The following CDH13 variants were observed in gnomAD, a reference collection of about 807,000 sequenced individuals.
CDH13 encodes the protein cadherin-13.
Under a neutral mutation model 63.8 loss-of-function variants are expected in CDH13, and 24 were observed. That is an observed-to-expected ratio of 0.38 (90% CI 0.27 to 0.53). The LOEUF (loss-of-function observed/expected upper bound fraction) is 0.53. Ranked by LOEUF, CDH13 falls within the 20% of genes least tolerant of loss-of-function variation. The pLI, the probability that CDH13 is intolerant of heterozygous loss-of-function variation, is 0.85. For missense variants in CDH13, 1,049 were observed against 903.1 expected (o/e 1.16, Z -2.07); for synonymous variants, 503 against 355.3 (o/e 1.42, Z -4.67).
intron 1 of CDH13, among the ~76,000 whole-genome samples, chr16:82,678,556 A>T (rs1453288302): frequency 6.6e-6 from 1 of 152,178 alleles, no homozygotes; most frequent in African/African-American, 2.4e-5. Context: ...CCTTCTCCGG[A>T]TGAGGAAGCT....
chr16:83,748,879 G>A (rs1912835765), intron 11 of CDH13, among the ~76,000 whole-genome samples: 1 of 152,206 alleles, frequency 6.6e-6, no homozygotes, highest in Non-Finnish European at 1.5e-5. Context: ...ATTGTTCTCT[G>A]CTCCTTTGAG....
intron 1 of CDH13, among the ~76,000 whole-genome samples, chr16:82,759,547 T>A (rs116001227): frequency 0.01 from 1,532 of 150,338 alleles, 24 homozygotes; most frequent in African/African-American, 0.036. Context: ...TATGTATATG[T>A]ATAATATAAC....
chr16:83,700,036 T>A (rs1046414827), intron 10 of CDH13, among the ~76,000 whole-genome samples: 7 of 152,224 alleles, frequency 4.6e-5, no homozygotes, highest in African/African-American at 1.7e-4. Context: ...GTGTCTAGCA[T>A]CCTCAGAAAC....
At chr16:82,926,654 C>A (rs751104431) in intron 2 of CDH13, among the ~76,000 whole-genome samples, 6 of 152,152 alleles carry the variant, frequency 3.9e-5, no homozygotes, top group Non-Finnish European at 7.3e-5. Flanking sequence ...TTGAAGCTTT[C>A]GAGAAGACAG....
chr16:82,691,714 A>G (rs1258301615), intron 1 of CDH13, among the ~76,000 whole-genome samples: 2 of 152,194 alleles, frequency 1.3e-5, no homozygotes, highest in Non-Finnish European at 2.9e-5. Context: ...CTCGGGCTTC[A>G]GAAGAGGCTA....
At chr16:82,700,297 C>T (rs2030824991) in intron 1 of CDH13, among the ~76,000 whole-genome samples, 1 of 152,196 alleles carries the variant, frequency 6.6e-6, no homozygotes, top group African/African-American at 2.4e-5. Flanking sequence ...CTTTTGTTCA[C>T]AGGGCATCCC....
At chr16:82,822,032 A>G (rs952953597) in intron 1 of CDH13, among the ~76,000 whole-genome samples, 5 of 152,178 alleles carry the variant, frequency 3.3e-5, no homozygotes, top group African/African-American at 1.2e-4. Context: ...TTGGGTATTG[A>G]GTTCTTACTA....
intron 4 of CDH13, among the ~76,000 whole-genome samples, chr16:83,205,804 T>G (rs2039166126): frequency 6.6e-6 from 1 of 151,930 alleles, no homozygotes; most frequent in African/African-American, 2.4e-5. Context: ...GGGGTTTCAT[T>G]ATGTTGGCCA....
intron 1 of CDH13, among the ~76,000 whole-genome samples, chr16:82,813,994 T>C (rs1308512601): frequency 6.6e-6 from 1 of 152,146 alleles, no homozygotes; most frequent in Non-Finnish European, 1.5e-5. Flanking sequence ...CTTGAGTTCC[T>C]ATTCAAATAC....
chr16:83,293,694 T>C (rs1442771404), intron 5 of CDH13, among the ~76,000 whole-genome samples: 1 of 152,202 alleles, frequency 6.6e-6, no homozygotes, highest in Non-Finnish European at 1.5e-5. Context: ...TGTCTTTTCA[T>C]GTCAACTTAT....
intron 6 of CDH13, among the ~76,000 whole-genome samples, chr16:83,421,023 G>A (rs1262860606): frequency 6.6e-6 from 1 of 152,216 alleles, no homozygotes; most frequent in African/African-American, 2.4e-5. Context: ...CACCCACAAT[G>A]AGGGTGGGTC....
chr16:83,351,563 A>T (rs1403615583), intron 6 of CDH13, among the ~76,000 whole-genome samples: 1 of 152,186 alleles, frequency 6.6e-6, no homozygotes, highest in Non-Finnish European at 1.5e-5. Flanking sequence ...ATCAATAAAC[A>T]TCAAGCAACA....
At chr16:82,980,956 C>T (rs955749614) in intron 2 of CDH13, among the ~76,000 whole-genome samples, 3 of 152,116 alleles carry the variant, frequency 2.0e-5, no homozygotes, top group African/African-American at 7.2e-5. Flanking sequence ...AATTAGTGCT[C>T]CAGGACAAAA....
intron 1 of CDH13, among the ~76,000 whole-genome samples, chr16:82,815,531 A>G (rs1248645143): frequency 2.6e-5 from 4 of 152,210 alleles, no homozygotes; most frequent in Non-Finnish European, 4.4e-5. Context: ...TATTATTTCC[A>G]TGTTCAGAAA....
chr16:83,497,314 T>C (rs1434786852), intron 7 of CDH13, among the ~76,000 whole-genome samples: 8 of 151,944 alleles, frequency 5.3e-5, no homozygotes, highest in Non-Finnish European at 1.2e-4. Context: ...ATATACACCA[T>C]GGAATACTAT....
chr16:82,788,381 C>A (rs561996734), intron 1 of CDH13, among the ~76,000 whole-genome samples: 1 of 152,168 alleles, frequency 6.6e-6, no homozygotes, highest in African/African-American at 2.4e-5. Context: ...TGCAGGCCTC[C>A]TGGACGACCG....
At chr16:83,034,782 G>T (rs564213162) in intron 3 of CDH13, among the ~76,000 whole-genome samples, 86 of 152,276 alleles carry the variant, frequency 5.6e-4, no homozygotes, top group South Asian at 1.9e-3. Context: ...GCCTGGGAGA[G>T]CTGGGTTCAT....
intron 6 of CDH13, among the ~76,000 whole-genome samples, chr16:83,424,606 TCACTAAGC>T (rs1427558869): frequency 5.9e-5 from 9 of 152,256 alleles, no homozygotes; most frequent in African/African-American, 2.2e-4. Flanking sequence ...TTTGGAAGGG[TCACTAAGC>T]CCCCTCAAAA....
At chr16:83,436,156 T>A (rs992539636) in intron 6 of CDH13, among the ~76,000 whole-genome samples, 1 of 152,198 alleles carries the variant, frequency 6.6e-6, no homozygotes, top group African/African-American at 2.4e-5. Context: ...GGAGATGCCC[T>A]GCTCTAGAAA....
Sources: gnomAD v4.1 joint callset for allele counts (sites outside exome capture counted in the v4.1 genomes callset) on GRCh38, gnomAD v4.1.1 for gene constraint, MANE v1.5 for transcripts, NCBI Gene and HGNC (gene_info 2026-07-23, HGNC 2026-07-21) for gene names.